Variants in PDE6A observed in about 807,000 individuals in gnomAD.
PDE6A encodes rod cGMP-specific 3',5'-cyclic phosphodiesterase subunit alpha.
In PDE6A, 84 loss-of-function variants were observed where a neutral mutation model predicts 106.3. That is an observed-to-expected ratio of 0.79 (90% CI 0.66 to 0.95). PDE6A has a LOEUF of 0.95. Among genes scored for constraint, PDE6A ranks in the 40% least tolerant of loss-of-function variants. PDE6A has a pLI of 0.00. For synonymous variants in PDE6A, 394 were observed against 386.6 expected (o/e 1.02, Z -0.23); for missense variants, 1,052 against 1,084.9 (o/e 0.97, Z 0.43).
At chr5:149,912,605 G>A (rs765656115) in intron 6 of PDE6A, among the ~76,000 whole-genome samples, 12 of 152,142 alleles carry the variant, frequency 7.9e-5, no homozygotes, top group Non-Finnish European at 1.6e-4. Context: ...TATCTTGCAA[G>A]GTTCAAAATG....
intron 10 of PDE6A, among the ~76,000 whole-genome samples, chr5:149,897,023 T>C (rs995785234): frequency 6.6e-6 from 1 of 152,240 alleles, no homozygotes; most frequent in Non-Finnish European, 1.5e-5. Context: ...TCCTCATCTG[T>C]AAGTTGAGGA....
At chr5:149,864,706 A>G (rs1333687970) in intron 20 of PDE6A, among the ~76,000 whole-genome samples, 1 of 152,216 alleles carries the variant, frequency 6.6e-6, no homozygotes, top group African/African-American at 2.4e-5. Flanking sequence ...GATTTGCCCA[A>G]TATAAGAACA....
chr5:149,875,836 A>G (rs892504445), intron 17 of PDE6A, among the ~76,000 whole-genome samples: 2 of 152,206 alleles, frequency 1.3e-5, no homozygotes, highest in African/African-American at 4.8e-5. Context: ...TACCCACAAT[A>G]AAAGCACATG....
intron 1 of PDE6A, among the ~76,000 whole-genome samples, chr5:149,939,679 AT>A (rs1754276041): frequency 6.6e-6 from 1 of 152,234 alleles, no homozygotes; most frequent in African/African-American, 2.4e-5. Flanking sequence ...TCCCCATTTT[AT>A]AAAATAGGAA....
At chr5:149,900,146 G>A (rs1752912022) in intron 8 of PDE6A, among the ~76,000 whole-genome samples, 1 of 151,688 alleles carries the variant, frequency 6.6e-6, no homozygotes, top group South Asian at 2.1e-4. Context: ...TTGATGTCAG[G>A]AGTTTGAGAC....
chr5:149,881,309 C>T (rs917486951), intron 17 of PDE6A, among the ~76,000 whole-genome samples: 7 of 152,132 alleles, frequency 4.6e-5, no homozygotes, highest in Admixed American at 2.6e-4. Flanking sequence ...ATGTTCATCA[C>T]AGCACTATTC....
At chr5:149,920,682 T>C (rs1022767309) in intron 5 of PDE6A, among the ~76,000 whole-genome samples, 17 of 152,094 alleles carry the variant, frequency 1.1e-4, no homozygotes, top group African/African-American at 4.1e-4. Context: ...CCTGCTGGAT[T>C]GTGGGTCCAG....
chr5:149,868,150 A>G lies in PDE6A; in HGVS notation c.2144T>C (p.Met715Thr), dbSNP rs144970068. The change falls in exon 18 of 22, where the codon ATG (methionine) becomes ACG (threonine). Residue 715 changes from methionine to threonine, a missense_variant. Met to Thr is a moderately conservative substitution (Grantham distance 81). Coordinates refer to ENST00000255266, the MANE Select transcript of PDE6A (RefSeq NM_000440.3). The stretch of plus-strand genomic sequence containing the variant: ...GGCTGAGAGATCACAGGCGGTCATC[A>G]TCATGGCCCTGGGCACACAGGACAC... ...QTRKEIVMAM[M>T]MTACDLSAIT... 5.9e-4 allele frequency: 951 copies of G among 1,614,160 alleles called. No homozygotes were observed. The highest frequency in any genetic ancestry group is 7.6e-4 in the Non-Finnish European group (893 of 1,180,016).
At chr5:149,923,562 ACATAACATAACAT>A (rs1392780253) in intron 4 of PDE6A, among the ~76,000 whole-genome samples, 288 of 75,446 alleles carry the variant, frequency 3.8e-3, no homozygotes, top group African/African-American at 0.022. Context: ...ACATAACATA[ACATAACATAACAT>A]AACAAACAAC....
intron 5 of PDE6A, among the ~76,000 whole-genome samples, chr5:149,916,910 T>C (rs2113632064): frequency 6.6e-6 from 1 of 152,296 alleles, no homozygotes; most frequent in East Asian, 1.9e-4. Context: ...CAGAGTGTAA[T>C]CCCTGGGCCG....
intron 17 of PDE6A, among the ~76,000 whole-genome samples, chr5:149,880,814 T>C (rs970202309): frequency 2.3e-4 from 35 of 152,038 alleles, no homozygotes; most frequent in Non-Finnish European, 4.3e-4. Flanking sequence ...GGCTGGGTAC[T>C]TTGGAAGGCT....
At chr5:149,897,761 T>G (rs1320827682) in intron 10 of PDE6A, among the ~76,000 whole-genome samples, 1 of 152,094 alleles carries the variant, frequency 6.6e-6, no homozygotes, top group Non-Finnish European at 1.5e-5. Flanking sequence ...TTGTGGGGTT[T>G]TTTTTGGTAG....
chr5:149,883,477 T>C lies in PDE6A; in HGVS notation c.2087A>G (p.Glu696Gly), dbSNP rs1761007535. The change falls in exon 17 of 22, where the codon GAG becomes GGG. Residue 696 changes from glutamate to glycine, a missense_variant. Glu to Gly is a moderately conservative substitution (Grantham distance 98). Transcript: ENST00000255266. ...DQSKTYESEQ[E>G]WTQYMMLEQT... ...CTCCAGCATCATGTACTGTGTCCAC[T>C]CCTGTTCACTCTCATATGTCTTAGA... The C allele has an allele frequency of 1.9e-6, 3 of 1,613,782 alleles. No homozygotes were observed. Among genetic ancestry groups the C allele is most frequent in the Non-Finnish European group, 2.5e-6 (3 of 1,179,816 alleles).
intron 20 of PDE6A, 58 bp downstream of exon 20, chr5:149,866,112 T>C: frequency 8.0e-7 from 1 of 1,251,926 alleles, no homozygotes; most frequent in African/African-American, 1.5e-5. Context: ...TGCTGTTGTC[T>C]GGAAATCCCA....
chr5:149,907,069 G>A (rs1753219845), intron 7 of PDE6A, among the ~76,000 whole-genome samples: 1 of 152,156 alleles, frequency 6.6e-6, no homozygotes, highest in South Asian at 2.1e-4. Flanking sequence ...ACTGTACCCG[G>A]CCAAGACTAT....
intron 13 of PDE6A, among the ~76,000 whole-genome samples, chr5:149,889,358 A>C (rs1752454057): frequency 6.6e-6 from 1 of 151,948 alleles, no homozygotes; most frequent in Non-Finnish European, 1.5e-5. Flanking sequence ...TCACTTAAGA[A>C]AACTGTTTTC....
chr5:149,861,030 C>T, intron 21 of PDE6A, 59 bp from the exon 22 acceptor site: 1 of 1,497,426 alleles, frequency 6.7e-7, no homozygotes, highest in Non-Finnish European at 9.2e-7. Context: ...TGGGCTTCCC[C>T]TTTGACCTAA....
chr5:149,895,776 T>A (rs1433012), intron 12 of PDE6A, among the ~76,000 whole-genome samples: 21 of 151,762 alleles, frequency 1.4e-4, no homozygotes, highest in African/African-American at 4.3e-4. Flanking sequence ...TCTGTGTGTG[T>A]GAGAGAGAGA....
At chr5:149,870,336 C>G (rs763892368) in intron 17 of PDE6A, among the ~76,000 whole-genome samples, 11 of 152,152 alleles carry the variant, frequency 7.2e-5, no homozygotes, top group Non-Finnish European at 8.8e-5. Flanking sequence ...CTTAGAAACA[C>G]CTTTATGCTT....
Sources: gnomAD v4.1 joint callset for allele counts (sites outside exome capture counted in the v4.1 genomes callset) on GRCh38, gnomAD v4.1.1 for gene constraint, MANE v1.5 for transcripts, NCBI Gene and HGNC (gene_info 2026-07-23, HGNC 2026-07-21) for gene names.